The following ZER1 variants were observed in gnomAD, a reference collection of about 807,000 sequenced individuals.
The protein encoded by ZER1 is zyg-11 related cell cycle regulator, also known as protein zer-1 homolog.
A neutral mutation model predicts 78.8 loss-of-function variants in ZER1; 11 were observed. That is an observed-to-expected ratio of 0.14 (90% CI 0.09 to 0.23). ZER1 has a LOEUF of 0.23. Among genes scored for constraint, ZER1 ranks in the 10% least tolerant of loss-of-function variants. The pLI, the probability that ZER1 is intolerant of heterozygous loss-of-function variation, is 1.00. For synonymous variants in ZER1, 400 were observed against 407.0 expected, an observed-to-expected ratio of 0.98 and a Z score of 0.21; for missense variants, 588 against 996.9, an observed-to-expected ratio of 0.59 and a Z score of 5.52.
chr9:128,751,192 G>A lies in ZER1; in HGVS notation c.1115C>T (p.Ser372Leu). 1 of 1,609,570 alleles carries A rather than the reference G, an allele frequency of 6.2e-7. No individual in the cohort carries two copies. Among genetic ancestry groups the A allele is most frequent in the Non-Finnish European group, 8.5e-7 (1 of 1,176,420 alleles). ...GTCAAAAAGCAAGTTGATGGCCCGC[G>A]AGGTGATCTCAGGCCGGTGCTCCGT... ...AYTEHRPEIT[S>L]RAINLLFDIA... The change falls in exon 7 of 16, where the codon TCG (serine) becomes TTG (leucine). Residue 372 changes from serine to leucine, a missense_variant. Around this residue, in one of 3 missense-constraint regions of ZER1, gnomAD observed 406 missense variants for 660.1 expected, o/e 0.62. Coordinates refer to ENST00000291900, the MANE Select transcript of ZER1 (RefSeq NM_006336.4). This position sits in a 1 kb window ranked among gnomAD's most constrained non-coding sequence, Gnocchi z 5.4.
chr9:128,736,035 G>A (rs1311277182), intron 13 of ZER1, among the ~76,000 whole-genome samples: 1 of 151,574 alleles, frequency 6.6e-6, no homozygotes, highest in Non-Finnish European at 1.5e-5. Context: ...TGCAAGCTCC[G>A]CCTCCCTGGT....
rs989568060 is a variant in ZER1, at chr9:128,754,201, G to A, written c.159-242C>T. Among the ~76,000 whole-genome samples, 10 of 152,200 alleles carry A rather than the reference G, an allele frequency of 6.6e-5. No individual in the cohort carries two copies. Among genetic ancestry groups the A allele is most frequent in the South Asian group, 6.2e-4 (3 of 4,832 alleles). ...GGTGATGCAGGCGCCATCTCTCCCA[G>A]TGCACATGCCTGTCACACAGCCTCC... On this transcript the variant is annotated intron_variant, in intron 2 of 15. Coordinates refer to ENST00000291900, the MANE Select transcript of ZER1 (RefSeq NM_006336.4). The surrounding 1 kb of genome is among the most constrained non-coding windows in gnomAD (Gnocchi z 4.3).
chr9:128,735,246 A>G, intron 14 of ZER1, 88 bp downstream of exon 14: 1 of 1,214,994 alleles, frequency 8.2e-7, no homozygotes, highest in South Asian at 1.5e-5. Context: ...GCAGCAATTA[A>G]TGCCCCCCTC....
chr9:128,767,743 C>G (rs914140005), intron 1 of ZER1, among the ~76,000 whole-genome samples: 3 of 152,148 alleles, frequency 2.0e-5, no homozygotes, highest in African/African-American at 4.8e-5. Context: ...GAGCCTCCGC[C>G]GCTTCCTTAC....
intron 13 of ZER1, among the ~76,000 whole-genome samples, chr9:128,739,687 G>A (rs1007057525): frequency 2.6e-5 from 4 of 152,018 alleles, no homozygotes; most frequent in Non-Finnish European, 4.4e-5. Flanking sequence ...GGTTTGCAAA[G>A]AGCAGGCTTT....
At chr9:128,748,401 CA>C (rs34675316) in intron 8 of ZER1, among the ~76,000 whole-genome samples, 77,344 of 88,582 alleles carry the variant, frequency 0.87, 34,024 homozygotes, top group Non-Finnish European at 0.96. Flanking sequence ...GACTCTGTCT[CA>C]AAAAAAAAAA....
intron 8 of ZER1, among the ~76,000 whole-genome samples, chr9:128,743,494 T>C: frequency 6.6e-6 from 1 of 152,144 alleles, no homozygotes; most frequent in Non-Finnish European, 1.5e-5. Flanking sequence ...CCATCATGGC[T>C]CACTGCAGCA....
At chr9:128,761,677 T>C (rs1220840294) in intron 1 of ZER1, among the ~76,000 whole-genome samples, 2 of 148,910 alleles carry the variant, frequency 1.3e-5, no homozygotes, top group African/African-American at 2.5e-5. Flanking sequence ...CGATCTCGGC[T>C]CACTGCAAGC....
At chr9:128,739,885 T>TA (rs1435503097) in intron 13 of ZER1, 46 bp downstream of exon 13, 1 of 1,575,818 alleles carries the variant, frequency 6.3e-7, no homozygotes, top group South Asian at 1.1e-5. Context: ...GCCCAGCACT[T>TA]ACCCCATATT....
At chr9:128,733,227 C>T in intron 15 of ZER1, 199 bp downstream of exon 15, 1 of 515,550 alleles carries the variant, frequency 1.9e-6, no homozygotes, top group Non-Finnish European at 3.5e-6. Flanking sequence ...CGAGCTTGGT[C>T]ATCTAATTTC....
At chr9:128,750,912 G>A in intron 7 of ZER1, 123 bp from the exon 8 acceptor site, 5 of 1,455,238 alleles carry the variant, frequency 3.4e-6, no homozygotes, top group East Asian at 2.3e-5. Context: ...AGGCAGAAGT[G>A]GGGCCTGGGG....
Position 128,753,745 on chromosome 9 carries a change from A to ATGGCTGGGCTG in ZER1, c.309+63_309+64insCAGCCCAGCCA. On this transcript the variant is annotated intron_variant, in intron 3 of 15. Transcript: ENST00000291900. The surrounding 1 kb of genome is among the most constrained non-coding windows in gnomAD (Gnocchi z 7.5). ...GCTGGGCTGGGGATGGCTGGGCTGG[A>ATGGCTGGGCTG]GGCGAGCAGCCTGGCCCCTGCTTGG... 1 of 1,567,818 alleles carries ATGGCTGGGCTG rather than the reference A, an allele frequency of 6.4e-7. No individual in the cohort carries two copies.
chr9:128,772,018 G>A (rs373538798), upstream of ZER1: 1 of 152,412 alleles, frequency 6.6e-6, no homozygotes, highest in African/African-American at 2.4e-5. Context: ...GGCGGCAGAA[G>A]GTTCCGGGGA....
intron 11 of ZER1, among the ~76,000 whole-genome samples, 196 bp downstream of exon 11, chr9:128,741,338 GC>G (rs1863284890): frequency 2.0e-5 from 3 of 152,164 alleles, no homozygotes; most frequent in African/African-American, 7.2e-5. Context: ...CTCTCAGGAG[GC>G]CCCACCAGGC....
At chr9:128,741,761 G>A (rs1214317532) in intron 10 of ZER1, 39 bp downstream of exon 10, 2 of 1,614,108 alleles carry the variant, frequency 1.2e-6, no homozygotes, top group Non-Finnish European at 1.7e-6. Flanking sequence ...CTTGCGAGGT[G>A]GGGAAAGGGT....
At chr9:128,738,828 T>C (rs1451863566) in intron 13 of ZER1, among the ~76,000 whole-genome samples, 2 of 147,840 alleles carry the variant, frequency 1.4e-5, no homozygotes, top group East Asian at 2.0e-4. Flanking sequence ...ACTACAGGTG[T>C]GCACCATCAC....
In ZER1 at chr9:128,755,799, T is replaced by C. The variant is rs1435070812; in HGVS notation, c.-94-140A>G. ...CAGGGCCAGGCCCAGGTCTCCTGAC[T>C]CCTTCTTTCACCCGCCTCTGCTGTG... On this transcript the variant is annotated intron_variant, in intron 1 of 15. Coordinates refer to ENST00000291900, the MANE Select transcript of ZER1 (RefSeq NM_006336.4). This position sits in a 1 kb window ranked among gnomAD's most constrained non-coding sequence, Gnocchi z 5.6. 1.8e-6 allele frequency: 1 copy of C among 568,196 alleles called. No individual in the cohort carries two copies. Among genetic ancestry groups the C allele is most frequent in the Non-Finnish European group, 3.1e-6 (1 of 323,744 alleles). The allele number at this position is 568,196 out of a possible 1,614,324, so 35.2% of individuals were successfully genotyped here.
chr9:128,741,590 T>C lies in ZER1; in HGVS notation c.1682A>G (p.Asn561Ser), dbSNP rs916447598. ...GTTGAAATTGAGGAACATCTCGCAGTTGTCAGGAGTTTCATCTGTGATGTT... is the reference window on the plus strand; with the variant it reads ...GTTGAAATTGAGGAACATCTCGCAGCTGTCAGGAGTTTCATCTGTGATGTT... ...LWNITDETPDNCEMFLNFNGM... is the reference protein window; with the variant it reads ...LWNITDETPDSCEMFLNFNGM... Residue 561 changes from asparagine (N) to serine (S), a missense_variant, in exon 11 of 16, where the codon AAC becomes AGC. Physicochemically the swap from Asn to Ser is conservative, Grantham distance 46. This residue lies in a region of ZER1 where 60 missense variants were observed against 163.3 expected (regional missense o/e 0.37). Transcript: ENST00000291900. The C allele has an allele frequency of 1.2e-6, 2 of 1,614,072 alleles. No individual in the cohort carries two copies. Among genetic ancestry groups the C allele is most frequent in the Non-Finnish European group, 1.7e-6 (2 of 1,180,042 alleles).
chr9:128,770,454 C>T (rs1564414967), intron 1 of ZER1, among the ~76,000 whole-genome samples: 1 of 152,174 alleles, frequency 6.6e-6, no homozygotes, highest in Non-Finnish European at 1.5e-5. Flanking sequence ...CATATGACCA[C>T]AGGACCTTTG....
Sources: gnomAD v4.1 joint callset for allele counts (sites outside exome capture counted in the v4.1 genomes callset) on GRCh38, gnomAD v4.1.1 for gene constraint, gnomAD v4.1.1 regional missense constraint, Gnocchi (gnomAD v3.1) non-coding constraint, MANE v1.5 for transcripts, NCBI Gene and HGNC (gene_info 2026-07-23, HGNC 2026-07-21) for gene names.